The following SPON1 variants were observed in gnomAD, a reference collection of about 807,000 sequenced individuals.
SPON1 encodes the protein spondin-1.
In SPON1, 52 loss-of-function variants were observed where a neutral mutation model predicts 111.7. The ratio of observed to expected loss-of-function variants is 0.47; its 90% CI spans 0.37 to 0.59. SPON1 has a LOEUF of 0.59. Ranked by LOEUF, SPON1 falls within the 20% of genes least tolerant of loss-of-function variation. SPON1 has a pLI of 0.00. For missense variants in SPON1, 957 were observed against 1,068.5 expected (o/e 0.90, Z 1.46); for synonymous variants, 410 against 395.8 (o/e 1.04, Z -0.43).
chr11:14,122,672 G>A (rs1554926620), intron 5 of SPON1, among the ~76,000 whole-genome samples: 1 of 151,728 alleles, frequency 6.6e-6, no homozygotes, highest in East Asian at 1.9e-4. Flanking sequence ...TTCCTTTGCT[G>A]TGTTCAAATA....
chr11:14,221,316 G>T (rs147235561), intron 6 of SPON1, among the ~76,000 whole-genome samples: 2,723 of 152,244 alleles, frequency 0.018, 52 homozygotes, highest in Non-Finnish European at 0.028. Flanking sequence ...CGAGAATTCA[G>T]AAGGTAGGTA....
intron 5 of SPON1, among the ~76,000 whole-genome samples, chr11:14,128,439 T>A (rs1847487995): frequency 6.6e-6 from 1 of 152,222 alleles, no homozygotes; most frequent in Non-Finnish European, 1.5e-5. Flanking sequence ...TGACTCTGTG[T>A]CTCATATCCA....
intron 6 of SPON1, among the ~76,000 whole-genome samples, chr11:14,151,338 G>A (rs1847785689): frequency 6.6e-6 from 1 of 152,174 alleles, no homozygotes; most frequent in South Asian, 2.1e-4. Context: ...GTGGTAGGGG[G>A]TGGACCTGCA....
At chr11:14,060,313 A>G (rs1848782026) in intron 3 of SPON1, among the ~76,000 whole-genome samples, 1 of 152,150 alleles carries the variant, frequency 6.6e-6, no homozygotes, top group Non-Finnish European at 1.5e-5. Context: ...TACCAAGGAT[A>G]CCTACATACT....
chr11:14,259,688 G>T lies in SPON1; in HGVS notation c.1818G>T (p.Met606Ile). ...KAETSQAEKC[M>I]MPECHTIPCL... ...AGACATCACAGGCAGAGAAGTGCAT[G>T]ATGCCAGAGTGCCGTGAGTGAGAGC... is the stretch of plus-strand genomic sequence containing the variant. The change falls in exon 13 of 16, where the codon ATG becomes ATT. Residue 606 changes from methionine (M) to isoleucine (I), a missense_variant. Around this residue, in one of 5 missense-constraint regions of SPON1, gnomAD observed 549 missense variants for 606.2 expected, o/e 0.91. Transcript: ENST00000576479. This position sits in a 1 kb window ranked among gnomAD's most constrained non-coding sequence, Gnocchi z 5.0. The T allele has an allele frequency of 6.4e-7, 1 of 1,573,742 alleles. No individual in the cohort carries two copies. Among genetic ancestry groups the T allele is most frequent in the Non-Finnish European group, 8.6e-7 (1 of 1,159,716 alleles).
chr11:14,077,468 T>C (rs1367604994), intron 4 of SPON1, among the ~76,000 whole-genome samples: 1 of 151,950 alleles, frequency 6.6e-6, no homozygotes, highest in Non-Finnish European at 1.5e-5. Flanking sequence ...AGTTTCACTC[T>C]GTCACCCAGG....
At chr11:13,990,373 C>CTTTTTTTTTTTTTTTTT (rs1159719282) in intron 2 of SPON1, among the ~76,000 whole-genome samples, 1 of 21,710 alleles carries the variant, frequency 4.6e-5, no homozygotes, top group African/African-American at 1.3e-4. Flanking sequence ...GCAACTCCTG[C>CTTTTTTTTTTTTTTTTT]TTTTTTTTTT....
At chr11:14,038,719 T>A (rs1289913531) in intron 2 of SPON1, among the ~76,000 whole-genome samples, 1 of 152,340 alleles carries the variant, frequency 6.6e-6, no homozygotes, top group South Asian at 2.1e-4. Flanking sequence ...CTGTGGAGGA[T>A]GTGGAACAAC....
At chr11:14,241,578 C>G (rs1554939689) in intron 6 of SPON1, among the ~76,000 whole-genome samples, 2 of 152,068 alleles carry the variant, frequency 1.3e-5, no homozygotes, top group Non-Finnish European at 2.9e-5. Flanking sequence ...GTGCCTTCAA[C>G]CCAGGCTGGG....
intron 6 of SPON1, among the ~76,000 whole-genome samples, chr11:14,203,313 T>C (rs1848483740): frequency 6.6e-6 from 1 of 152,184 alleles, no homozygotes; most frequent in Admixed American, 6.5e-5. Flanking sequence ...TTTCTTTGGC[T>C]CCATTAACCC....
At chr11:14,220,124 G>C (rs1348812623) in intron 6 of SPON1, among the ~76,000 whole-genome samples, 1 of 151,762 alleles carries the variant, frequency 6.6e-6, no homozygotes, top group Non-Finnish European at 1.5e-5. Context: ...ACATATGGAG[G>C]CTGTGTTGCC....
chr11:14,245,542 C>T (rs1262076500), intron 7 of SPON1, among the ~76,000 whole-genome samples: 1 of 152,170 alleles, frequency 6.6e-6, no homozygotes, highest in Non-Finnish European at 1.5e-5. Flanking sequence ...GGGGCAGAAC[C>T]CTCTCCTGCT....
At chr11:13,987,839 T>C (rs1047498273) in intron 2 of SPON1, among the ~76,000 whole-genome samples, 2 of 152,180 alleles carry the variant, frequency 1.3e-5, no homozygotes, top group African/African-American at 4.8e-5. Context: ...TTGTGTCAGG[T>C]TTGTCAAAGA....
intron 3 of SPON1, among the ~76,000 whole-genome samples, chr11:14,057,032 AATAAT>A (rs1554919245): frequency 6.6e-6 from 1 of 152,054 alleles, no homozygotes; most frequent in African/African-American, 2.4e-5. Context: ...AAATAAACTA[AATAAT>A]ATAAATAATA....
At chr11:13,992,695 G>A (rs531499026) in intron 2 of SPON1, among the ~76,000 whole-genome samples, 2 of 152,162 alleles carry the variant, frequency 1.3e-5, no homozygotes, top group Non-Finnish European at 2.9e-5. Context: ...GGTTGGGTAG[G>A]CACCAGAGGA....
intron 5 of SPON1, among the ~76,000 whole-genome samples, chr11:14,084,095 A>G (rs1443623657): frequency 3.3e-5 from 5 of 152,142 alleles, no homozygotes; most frequent in Admixed American, 1.3e-4. Flanking sequence ...GCAGAGATCT[A>G]ATGAAATTAA....
intron 6 of SPON1, among the ~76,000 whole-genome samples, chr11:14,160,683 A>ATATT (rs1564919259): frequency 2.2e-3 from 36 of 16,532 alleles, no homozygotes; most frequent in East Asian, 5.3e-3. Context: ...ATATATTTAT[A>ATATT]TATATATTTA....
intron 5 of SPON1, among the ~76,000 whole-genome samples, chr11:14,117,863 A>G (rs1196333935): frequency 6.6e-6 from 1 of 152,220 alleles, no homozygotes; most frequent in Non-Finnish European, 1.5e-5. Flanking sequence ...CCACTGTCAC[A>G]TTATAGATCC....
chr11:14,174,907 A>C (rs1554932940), intron 6 of SPON1, among the ~76,000 whole-genome samples: 1 of 152,176 alleles, frequency 6.6e-6, no homozygotes, highest in African/African-American at 2.4e-5. Context: ...TAGCTTCTAA[A>C]CTTTATGAAA....
Sources: gnomAD v4.1 joint callset for allele counts (sites outside exome capture counted in the v4.1 genomes callset) on GRCh38, gnomAD v4.1.1 for gene constraint, gnomAD v4.1.1 regional missense constraint, Gnocchi (gnomAD v3.1) non-coding constraint, MANE v1.5 for transcripts, NCBI Gene and HGNC (gene_info 2026-07-23, HGNC 2026-07-21) for gene names.